INPP4A: variants seen among roughly 807,000 people sequenced by gnomAD.
INPP4A encodes the protein inositol polyphosphate-4-phosphatase, type I, 107kD.
In INPP4A, 33 loss-of-function variants were observed where a neutral mutation model predicts 119.8. That is an observed-to-expected ratio of 0.28 (90% confidence interval 0.21 to 0.37). INPP4A has a LOEUF of 0.37. Ranked by LOEUF, INPP4A falls within the 10% of genes least tolerant of loss-of-function variation. The probability of loss-of-function intolerance (pLI) is 1.00; values close to 1 mark genes in which losing one functional copy is unlikely to be tolerated. For synonymous variants in INPP4A, 496 were observed against 500.7 expected (o/e 0.99, Z 0.12); for missense variants, 956 against 1,289.9 (o/e 0.74, Z 3.97).
intron 24 of INPP4A, among the ~76,000 whole-genome samples, chr2:98,578,651 C>G (rs1441979254): frequency 6.6e-6 from 1 of 152,246 alleles, no homozygotes; most frequent in Non-Finnish European, 1.5e-5. Flanking sequence ...CCCTAGCACA[C>G]TTGGGTTGTG....
At chr2:98,571,088 G>A (rs527325622) in intron 22 of INPP4A, among the ~76,000 whole-genome samples, 1 of 152,228 alleles carries the variant, frequency 6.6e-6, no homozygotes, top group African/African-American at 2.4e-5. Flanking sequence ...TGCCATGGAC[G>A]TCAGAACTGT....
rs1700127404 is a variant in INPP4A at position 98,588,223 on chromosome 2, C to T, written c.*615C>T. ...GAGATAAGACTTTATTAGAAGGTAA[C>T]ACCTGCAAGGTACCCCACATAGTTG... On this transcript the variant is annotated 3_prime_UTR_variant, in exon 25 of 25. Transcript: ENST00000409851. 4.8e-6 allele frequency: 1 copy of T among 209,880 alleles called. No individual in the cohort carries two copies. The highest frequency in any genetic ancestry group is 9.7e-6 in the Non-Finnish European group (1 of 103,386). The allele number at this position is 209,880 out of a possible 1,614,324, so 13.0% of individuals were successfully genotyped here. A position where few individuals can be genotyped will look rare whatever the true frequency, so the allele number is the denominator to read the frequency against.
chr2:98,471,435 C>T (rs1574579262), intron 1 of INPP4A, among the ~76,000 whole-genome samples: 1 of 152,290 alleles, frequency 6.6e-6, no homozygotes. Flanking sequence ...GGTTTTTTAA[C>T]TTACACTTAA....
chr2:98,555,690 A>T lies in INPP4A; in HGVS notation c.1704A>T (p.Lys568Asn). 6.2e-7 allele frequency: 1 copy of T among 1,613,826 alleles called. No individual in the cohort carries two copies. Among genetic ancestry groups the T allele is most frequent in the East Asian group, 2.2e-5 (1 of 44,878 alleles). ...GTGCAGGCAGCTGCACCAGCAAGAA[A>T]GGTAACCCGGACAGCCACGCCTACT... ...FPCAGSCTSKKGNPDSHAYWI... is the reference protein window; with the variant it reads ...FPCAGSCTSKNGNPDSHAYWI... Residue 568 changes from lysine (K) to asparagine (N), a missense_variant, in exon 16 of 25, where the codon AAA becomes AAT. By Grantham distance (94) the Lys-to-Asn change is moderately conservative (BLOSUM62 0). Transcript: ENST00000409851.
chr2:98,510,678 C>T (rs150741129), intron 1 of INPP4A, among the ~76,000 whole-genome samples: 6 of 152,284 alleles, frequency 3.9e-5, no homozygotes, highest in East Asian at 1.9e-4. Context: ...CCAAAGGCCC[C>T]GCTTCTTAAT....
chr2:98,460,260 C>T (rs1365890788), intron 1 of INPP4A, among the ~76,000 whole-genome samples: 4 of 152,102 alleles, frequency 2.6e-5, no homozygotes, highest in Non-Finnish European at 5.9e-5. Context: ...TGGCCTCTTC[C>T]TCTTGTGGGT....
chr2:98,487,030 CT>C (rs2105154734), intron 1 of INPP4A, among the ~76,000 whole-genome samples: 1 of 152,344 alleles, frequency 6.6e-6, no homozygotes, highest in East Asian at 1.9e-4. Flanking sequence ...GCTAAGGTTG[CT>C]TGTTAAATAA....
chr2:98,512,685 C>T (rs1304764351), intron 1 of INPP4A, among the ~76,000 whole-genome samples: 1 of 152,240 alleles, frequency 6.6e-6, no homozygotes, highest in East Asian at 1.9e-4. Context: ...GTCCTAATCA[C>T]CTCTTAAGTG....
At chr2:98,543,481 CG>C (rs1306230991) in intron 10 of INPP4A, among the ~76,000 whole-genome samples, 1 of 152,146 alleles carries the variant, frequency 6.6e-6, no homozygotes, top group Admixed American at 6.6e-5. Context: ...CTCTCTGTTC[CG>C]GGAGGATCAC....
chr2:98,582,960 CAGAA>C (rs1351900020), intron 24 of INPP4A, among the ~76,000 whole-genome samples: 21 of 152,012 alleles, frequency 1.4e-4, no homozygotes, highest in Admixed American at 1.3e-3. Flanking sequence ...ACGCCAGACA[CAGAA>C]AGATCACCTG....
At position 98,536,809 on chromosome 2, in the gene INPP4A, A is replaced by G. The variant is rs577248744; in HGVS notation, c.467+601A>G. ...AGTAGCAAGGAAAATTTGACAAACA[A>G]TTAAGTCCCTGCAGTATTGAGACAT... On this transcript the variant is annotated intron_variant, in intron 7 of 24. Transcript: ENST00000409851. Among the ~76,000 whole-genome samples the G allele has an allele frequency of 2.6e-5, 4 of 152,276 alleles. No homozygotes were observed. In the South Asian group the frequency reaches 8.3e-4, roughly 32 times the overall value.
chr2:98,509,354 A>G (rs771449029), intron 1 of INPP4A, among the ~76,000 whole-genome samples: 21 of 152,194 alleles, frequency 1.4e-4, no homozygotes, highest in Non-Finnish European at 2.6e-4. Flanking sequence ...TCGTAGGAGC[A>G]CAAACCCTGT....
At chr2:98,558,361 C>T (rs1694859479) in intron 16 of INPP4A, among the ~76,000 whole-genome samples, 1 of 152,118 alleles carries the variant, frequency 6.6e-6, no homozygotes, top group African/African-American at 2.4e-5. Flanking sequence ...ACCTGATTAG[C>T]AGATCAATAT....
intron 1 of INPP4A, among the ~76,000 whole-genome samples, chr2:98,481,152 A>C (rs530670947): frequency 6.6e-6 from 1 of 152,106 alleles, no homozygotes; most frequent in Admixed American, 6.5e-5. Flanking sequence ...TAATCAGAGC[A>C]CTGTGAACTT....
At chr2:98,473,674 C>T (rs1574599227) in intron 1 of INPP4A, among the ~76,000 whole-genome samples, 1 of 152,082 alleles carries the variant, frequency 6.6e-6, no homozygotes, top group Non-Finnish European at 1.5e-5. Context: ...GACCATAAGC[C>T]GGTTGCTACC....
chr2:98,559,500 G>A lies in INPP4A; in HGVS notation c.1855+5G>A, dbSNP rs749258163. 1.9e-6 allele frequency: 3 copies of A among 1,613,794 alleles called. No homozygotes were observed. The highest frequency in any genetic ancestry group is 2.5e-6 in the Non-Finnish European group (3 of 1,179,730). The stretch of plus-strand genomic sequence containing the variant: ...CTCCTGAAGAGTCCAGCCCAGGTAC[G>A]TGGTTTCCGTTCAAGGCTCCTGCTG... On this transcript the variant is annotated splice_donor_5th_base_variant and intron_variant, in intron 17 of 24. Transcript: ENST00000409851.
intron 24 of INPP4A, among the ~76,000 whole-genome samples, chr2:98,584,482 G>T (rs1378890514): frequency 6.6e-6 from 1 of 152,220 alleles, no homozygotes; most frequent in Non-Finnish European, 1.5e-5. Flanking sequence ...CTCCAGGGAC[G>T]CCTCCCAGGA....
intron 1 of INPP4A, among the ~76,000 whole-genome samples, chr2:98,458,556 T>A (rs1696569661): frequency 6.6e-6 from 1 of 151,812 alleles, no homozygotes; most frequent in Non-Finnish European, 1.5e-5. Flanking sequence ...TCTTTGAGAG[T>A]GGAGTATTTT....
chr2:98,481,855 C>G (rs1678535460), intron 1 of INPP4A, among the ~76,000 whole-genome samples: 1 of 152,240 alleles, frequency 6.6e-6, no homozygotes, highest in South Asian at 2.1e-4. Context: ...TCTGGCTGGG[C>G]TTTCCGTTCT....
Sources: allele counts gnomAD v4.1 joint callset (sites outside exome capture counted in the v4.1 genomes callset), GRCh38; gene constraint gnomAD v4.1.1; transcripts MANE v1.5; gene names NCBI Gene and HGNC (gene_info 2026-07-23, HGNC 2026-07-21).